NACC2: variants seen among roughly 807,000 people sequenced by gnomAD.
NACC2 encodes NACC family member 2, also known as nucleus accumbens-associated protein 2.
NACC2 carries 8 observed loss-of-function variants against 25.1 expected under a neutral mutation model. That is an observed-to-expected ratio of 0.32 (90% confidence interval 0.19 to 0.57). NACC2 has a LOEUF of 0.57. Ranked by LOEUF, NACC2 falls within the 20% of genes least tolerant of loss-of-function variation. The pLI is 0.89. For missense variants in NACC2, 644 were observed against 650.2 expected (o/e 0.99, Z 0.10); for synonymous variants, 435 against 294.7 (o/e 1.48, Z -4.88).
Position 136,086,287 on chromosome 9 carries a change from G to GC in NACC2, c.-60+8901dup, listed in dbSNP as rs2131189646. ...GCTGGGGACAGGACGAAGGGCACAT[G>GC]CCCCCCGAGGCCTCCCACTCAGAGC... On this transcript the variant is annotated intron_variant, in intron 1 of 5. Transcript: ENST00000277554. The surrounding 1 kb of genome is among the most constrained non-coding windows in gnomAD (Gnocchi z 5.6). Among the ~76,000 whole-genome samples the GC allele has an allele frequency of 6.6e-6, 1 of 152,324 alleles. No individual in the cohort carries two copies. Among genetic ancestry groups the GC allele is most frequent in the Admixed American group, 6.5e-5 (1 of 15,314 alleles).
chr9:136,031,578 T>G (rs1840473805), intron 2 of NACC2, among the ~76,000 whole-genome samples: 1 of 152,116 alleles, frequency 6.6e-6, no homozygotes, highest in Admixed American at 6.5e-5. Flanking sequence ...GCTCAAGTGA[T>G]CCACCCGCCT....
At chr9:136,045,770 G>A (rs1029392486) in intron 2 of NACC2, among the ~76,000 whole-genome samples, 9 of 152,164 alleles carry the variant, frequency 5.9e-5, no homozygotes, top group Non-Finnish European at 1.3e-4. Context: ...GCCCCGTGCT[G>A]TCATCTGCCC....
rs1840907928 is a variant in NACC2, at chr9:136,055,287, G to A, written c.-59-4707C>T. Among the ~76,000 whole-genome samples, 1 of 152,154 alleles carries A rather than the reference G, an allele frequency of 6.6e-6. No homozygotes were observed. The highest frequency in any genetic ancestry group is 1.5e-5 in the Non-Finnish European group (1 of 68,020). ...AGAACGACCCCCCTGCCTGAGTGTCGTCCCGGCAGGATTCACACAAGGACA... is the reference window on the plus strand; with the variant it reads ...AGAACGACCCCCCTGCCTGAGTGTCATCCCGGCAGGATTCACACAAGGACA... On this transcript the variant is annotated intron_variant, in intron 1 of 5. Coordinates refer to ENST00000277554, the MANE Select transcript of NACC2 (RefSeq NM_144653.5). This position sits in a 1 kb window ranked among gnomAD's most constrained non-coding sequence, Gnocchi z 4.9.
intron 2 of NACC2, among the ~76,000 whole-genome samples, chr9:136,017,020 C>T (rs997767008): frequency 1.3e-5 from 2 of 152,130 alleles, no homozygotes; most frequent in African/African-American, 2.4e-5. Context: ...GGCAAGGACA[C>T]GGGGGACTCA....
At chr9:136,041,042 G>C (rs1409618166) in intron 2 of NACC2, among the ~76,000 whole-genome samples, 3 of 145,584 alleles carry the variant, frequency 2.1e-5, no homozygotes, top group African/African-American at 5.1e-5. Flanking sequence ...GGAAAGAAAA[G>C]GAAGGAAGGA....
chr9:136,048,250 G>C (rs1279774292), intron 2 of NACC2, among the ~76,000 whole-genome samples: 2 of 152,178 alleles, frequency 1.3e-5, no homozygotes, highest in Non-Finnish European at 1.5e-5. Flanking sequence ...AGCAGCCTCT[G>C]GCTGGTCCCC....
rs1386508954 is a variant in NACC2 at position 136,086,672 on chromosome 9, C to A, written c.-60+8517G>T. Among the ~76,000 whole-genome samples the A allele has an allele frequency of 6.6e-6, 1 of 152,236 alleles. No individual in the cohort carries two copies. Among genetic ancestry groups the A allele is most frequent in the South Asian group, 2.1e-4 (1 of 4,836 alleles). On this transcript the variant is annotated intron_variant, in intron 1 of 5. Transcript: ENST00000277554. The surrounding 1 kb of genome is among the most constrained non-coding windows in gnomAD (Gnocchi z 5.6). Reference sequence around the variant, plus strand: ...GAATCCTGTTCCCAAACTTACATAACCGCAGATGACAACGCCGACTCCTAG... The same window carrying A: ...GAATCCTGTTCCCAAACTTACATAAACGCAGATGACAACGCCGACTCCTAG...
chr9:136,092,167 T>A (rs1365291100), intron 1 of NACC2, among the ~76,000 whole-genome samples: 2 of 152,164 alleles, frequency 1.3e-5, no homozygotes, highest in Admixed American at 6.5e-5. Context: ...ACTGCCCACC[T>A]CTGGGAGGAC....
chr9:136,056,793 C>T (rs917917684), intron 1 of NACC2, among the ~76,000 whole-genome samples: 1 of 152,234 alleles, frequency 6.6e-6, no homozygotes, highest in African/African-American at 2.4e-5. Context: ...CTACCCCAGA[C>T]CACAAGCCAG....
intron 1 of NACC2, among the ~76,000 whole-genome samples, chr9:136,062,769 T>G (rs1017134564): frequency 6.6e-6 from 1 of 152,018 alleles, no homozygotes; most frequent in Non-Finnish European, 1.5e-5. Flanking sequence ...TACAAAGACT[T>G]AGCCAAGTGT....
At chr9:136,072,776 G>C (rs973391012) in intron 1 of NACC2, among the ~76,000 whole-genome samples, 1 of 152,118 alleles carries the variant, frequency 6.6e-6, no homozygotes, top group Non-Finnish European at 1.5e-5. Context: ...CTTGAACTCA[G>C]GAGGCGGAGG....
rs908452482 is a variant in NACC2 at position 136,034,009 on chromosome 9, A to G, written c.886+15627T>C. ...AAAAATAGCCAACGCAAGGCAAATC[A>G]TAAGGAACTCAAACCTGAAAGAGTT... On this transcript the variant is annotated intron_variant, in intron 2 of 5. Coordinates refer to ENST00000277554, the MANE Select transcript of NACC2 (RefSeq NM_144653.5). Among the ~76,000 whole-genome samples, 281 of 152,222 alleles carry G rather than the reference A, an allele frequency of 1.8e-3. 9 individuals carry two copies. The South Asian group carries it at 0.052, about 28-fold the overall frequency.
intron 2 of NACC2, among the ~76,000 whole-genome samples, chr9:136,024,136 AGTGTGTGTGTGGGGACAGAGTGTGTGTGT>A (rs1840339103): frequency 1.5e-5 from 2 of 134,086 alleles, no homozygotes; most frequent in Non-Finnish European, 3.2e-5. Context: ...GTGTGAGGAC[AGTGTGTGTGTGGGGACAGAGTGTGTGTGT>A]GTGTGTGTGT....
Position 136,013,929 on chromosome 9 carries a change from G to A in NACC2, c.1092C>T (p.Cys364=), listed in dbSNP as rs1840153989. ...VYITRGQLMN[C]HLCAGVKHKV... is the part of the protein sequence containing the mutation. The stretch of plus-strand genomic sequence containing the variant: ...TATGCTTCACCCCTGCACACAGGTG[G>A]CAGTTCATCAGCTGGCCGCGTGTGA... Residue 364 remains cysteine (C), a synonymous_variant, in exon 4 of 6, where the codon TGC becomes TGT. Coordinates refer to ENST00000277554, the MANE Select transcript of NACC2 (RefSeq NM_144653.5). This position sits in a 1 kb window ranked among gnomAD's most constrained non-coding sequence, Gnocchi z 6.6. 1 of 1,612,702 alleles carries A rather than the reference G, an allele frequency of 6.2e-7. No individual in the cohort carries two copies. Among genetic ancestry groups the A allele is most frequent in the Non-Finnish European group, 8.5e-7 (1 of 1,179,956 alleles).
At chr9:136,053,573 A>G (rs987459788) in intron 1 of NACC2, among the ~76,000 whole-genome samples, 1 of 152,102 alleles carries the variant, frequency 6.6e-6, no homozygotes, top group Non-Finnish European at 1.5e-5. Context: ...GTGCCCTCAT[A>G]AGCTCGGCAA....
At chr9:136,082,524 G>T (rs545434989) in intron 1 of NACC2, among the ~76,000 whole-genome samples, 1 of 152,332 alleles carries the variant, frequency 6.6e-6, no homozygotes, top group Non-Finnish European at 1.5e-5. Context: ...TCTCAACGGG[G>T]TCACCATCCA....
intron 1 of NACC2, among the ~76,000 whole-genome samples, chr9:136,067,997 G>A (rs577230954): frequency 5.9e-5 from 9 of 152,298 alleles, no homozygotes; most frequent in African/African-American, 2.2e-4. Context: ...TCGAAACATA[G>A]TAAAGGTTCA....
At chr9:136,049,546 C>T in intron 2 of NACC2, 90 bp downstream of exon 2, 1 of 661,634 alleles carries the variant, frequency 1.5e-6, no homozygotes, top group Non-Finnish European at 2.8e-6. Flanking sequence ...CCCCGCAGGC[C>T]TCCGGCCCAG....
In NACC2 at chr9:136,011,465, G is replaced by A. The variant is rs1421088248; in HGVS notation, c.*51C>T. The stretch of plus-strand genomic sequence containing the variant: ...GATCACATTTGTTTGTATTAGTAAC[G>A]CATGCAAGCAGCTCTAGTACTCGGT... On this transcript the variant is annotated 3_prime_UTR_variant, in exon 6 of 6. Transcript: ENST00000277554. The A allele has an allele frequency of 3.8e-6, 5 of 1,321,420 alleles. No homozygotes were observed. The highest frequency in any genetic ancestry group is 3.0e-4 in the Middle Eastern group (1 of 3,380). The allele number at this position is 1,321,420 out of a possible 1,614,324, so 81.9% of individuals were successfully genotyped here. A position where few individuals can be genotyped will look rare whatever the true frequency, so the allele number is the denominator to read the frequency against.
Sources: gnomAD v4.1 joint callset for allele counts (sites outside exome capture counted in the v4.1 genomes callset) on GRCh38, gnomAD v4.1.1 for gene constraint, Gnocchi (gnomAD v3.1) non-coding constraint, MANE v1.5 for transcripts, NCBI Gene and HGNC (gene_info 2026-07-23, HGNC 2026-07-21) for gene names.